TRIM71: variants seen among roughly 807,000 people sequenced by gnomAD.
TRIM71 encodes the protein tripartite motif containing 71, also known as E3 ubiquitin-protein ligase TRIM71.
Under a neutral mutation model 61.2 loss-of-function variants are expected in TRIM71, and 9 were observed. That is an observed-to-expected ratio of 0.15 (90% CI 0.09 to 0.26). TRIM71 has a LOEUF of 0.26. TRIM71 is among the 10% of genes least tolerant of loss of function. The pLI, the probability that TRIM71 is intolerant of heterozygous loss-of-function variation, is 1.00. For missense variants in TRIM71, 998 were observed against 1,238.7 expected (o/e 0.81, Z 2.92); for synonymous variants, 645 against 553.2 (o/e 1.17, Z -2.33).
intron 3 of TRIM71, among the ~76,000 whole-genome samples, chr3:32,886,560 A>G (rs974554607): frequency 3.3e-5 from 5 of 152,186 alleles, no homozygotes; most frequent in Admixed American, 6.5e-5. Context: ...ATCAGCTAGA[A>G]AGACTACTTG....
chr3:32,831,891 CATGAA>C (rs1696276075), intron 1 of TRIM71, among the ~76,000 whole-genome samples: 1 of 152,118 alleles, frequency 6.6e-6, no homozygotes, highest in Admixed American at 6.5e-5. Context: ...TATTTGATGC[CATGAA>C]ATAACTTGGG....
chr3:32,837,014 C>T (rs1196084554), intron 1 of TRIM71, among the ~76,000 whole-genome samples: 1 of 152,112 alleles, frequency 6.6e-6, no homozygotes, highest in African/African-American at 2.4e-5. Context: ...CTTTTCCCCC[C>T]AATTTTTATC....
chr3:32,827,983 C>A (rs556799589), intron 1 of TRIM71, among the ~76,000 whole-genome samples: 1 of 152,004 alleles, frequency 6.6e-6, no homozygotes, highest in Non-Finnish European at 1.5e-5. Context: ...TATTAAAATG[C>A]TGTTGTATAA....
chr3:32,887,480 ACT>A (rs1491387902), intron 3 of TRIM71, among the ~76,000 whole-genome samples: 1 of 95,858 alleles, frequency 1.0e-5, no homozygotes, highest in Non-Finnish European at 1.9e-5. Context: ...CTAATTACTG[ACT>A]TTTTTTTTTT....
intron 1 of TRIM71, among the ~76,000 whole-genome samples, chr3:32,867,427 T>TTG (rs922431271): frequency 1.3e-5 from 2 of 151,820 alleles, no homozygotes; most frequent in South Asian, 2.1e-4. Flanking sequence ...TGACAAAAAT[T>TTG]TGTGTGTGTG....
At chr3:32,887,195 T>G (rs1255773099) in intron 3 of TRIM71, among the ~76,000 whole-genome samples, 4 of 152,138 alleles carry the variant, frequency 2.6e-5, no homozygotes, top group South Asian at 2.1e-4. Flanking sequence ...CCTTTGTGTG[T>G]GGGGGTTTCT....
Position 32,891,899 on chromosome 3 carries a change from T to A in TRIM71, c.*88T>A. The A allele has an allele frequency of 6.6e-7, 1 of 1,507,082 alleles. No individual in the cohort carries two copies. 93.4% of individuals were successfully genotyped at this position (1,507,082 alleles called of 1,614,324 possible). On this transcript the variant is annotated 3_prime_UTR_variant, in exon 4 of 4. Transcript: ENST00000383763. This position sits in a 1 kb window ranked among gnomAD's most constrained non-coding sequence, Gnocchi z 8.2. ...TTCTCTTTCTCTCTCTTTTTGAATT[T>A]CAAAGAAGAAACAGTCTCAGGGAAA...
chr3:32,891,074 G>A lies in TRIM71; in HGVS notation c.1870G>A (p.Asp624Asn), dbSNP rs1697019403. ...CAAGGAGGGCTACATCATTGTCGCC[G>A]ACCGCAGCAACAACCGCATCCAGGT... ...VDKEGYIIVA[D>N]RSNNRIQVFK... The change falls in exon 4 of 4, where the codon GAC becomes AAC. Residue 624 changes from aspartate (D) to asparagine (N), a missense_variant. Coordinates refer to ENST00000383763, the MANE Select transcript of TRIM71 (RefSeq NM_001039111.3). The surrounding 1 kb of genome is among the most constrained non-coding windows in gnomAD (Gnocchi z 8.2). 1 of 1,611,796 alleles carries A rather than the reference G, an allele frequency of 6.2e-7. No individual in the cohort carries two copies. Among genetic ancestry groups the A allele is most frequent in the Non-Finnish European group, 8.5e-7 (1 of 1,179,860 alleles).
intron 1 of TRIM71, among the ~76,000 whole-genome samples, chr3:32,866,270 A>T (rs1447942382): frequency 1.3e-5 from 2 of 151,206 alleles, no homozygotes; most frequent in African/African-American, 4.9e-5. Flanking sequence ...CTGTTTTGAG[A>T]TGGAGTCTTG....
chr3:32,830,330 C>G (rs1156599494), intron 1 of TRIM71, among the ~76,000 whole-genome samples: 1 of 152,138 alleles, frequency 6.6e-6, no homozygotes, highest in African/African-American at 2.4e-5. Flanking sequence ...TAGCCAAAAA[C>G]TGAGTATAAC....
intron 1 of TRIM71, among the ~76,000 whole-genome samples, chr3:32,859,649 C>T (rs1039075300): frequency 1.3e-5 from 2 of 152,098 alleles, no homozygotes; most frequent in East Asian, 1.9e-4. Flanking sequence ...ATCTTATTAC[C>T]ATTTAGTTGA....
chr3:32,867,572 C>A lies in TRIM71; in HGVS notation c.853-6246C>A, dbSNP rs78942783. ...TGCTCAAGTGATCCTTTTGTCTTGG[C>A]CTCCCAAAGTGCTGGTATTGTAGAC... is the stretch of plus-strand genomic sequence containing the variant. On this transcript the variant is annotated intron_variant, in intron 1 of 3. Transcript: ENST00000383763. 0.014 allele frequency among the ~76,000 whole-genome samples: 2,160 copies of A among 152,156 alleles called. 114 individuals are homozygous for A. The East Asian group carries it at 0.19, about 13-fold the overall frequency.
At position 32,893,560 on chromosome 3, in the gene TRIM71, G is replaced by T. The variant is rs1461791778; in HGVS notation, c.*1749G>T. 1.3e-5 allele frequency: 2 copies of T among 152,228 alleles called. No individual in the cohort carries two copies. Among genetic ancestry groups the T allele is most frequent in the African/African-American group, 4.8e-5 (2 of 41,456 alleles). The allele number at this position is 152,228 out of a possible 1,614,324, so 9.4% of individuals were successfully genotyped here. ...AAGAGGGACTCTCAAACAAACGTCA[G>T]TGACTTACAAGGGAGACCTCTTGTT... On this transcript the variant is annotated 3_prime_UTR_variant, in exon 4 of 4. Transcript: ENST00000383763.
At chr3:32,888,434 CAAAAAAAAAAAAAAAAAAAAAAAAAAAA>C (rs56834147) in intron 3 of TRIM71, among the ~76,000 whole-genome samples, 9 of 95,840 alleles carry the variant, frequency 9.4e-5, no homozygotes, top group African/African-American at 3.1e-4. Context: ...CCATCTCTAC[CAAAAAAAAAAAAAAAAAAAAAAAAAAAA>C]AAAAAAAAAA....
At position 32,857,224 on chromosome 3, in the gene TRIM71, T is replaced by G. The variant is rs576419117; in HGVS notation, c.853-16594T>G. Reference sequence around the variant, plus strand: ...GCACTTTGGTCAGGAATAGCATGCTTCTTTGCTCAAGCTGTTCCTTTTAAC... The same window carrying G: ...GCACTTTGGTCAGGAATAGCATGCTGCTTTGCTCAAGCTGTTCCTTTTAAC... On this transcript the variant is annotated intron_variant, in intron 1 of 3. Transcript: ENST00000383763. Among the ~76,000 whole-genome samples the G allele has an allele frequency of 3.9e-5, 6 of 152,340 alleles. No individual in the cohort carries two copies. In the South Asian group the frequency reaches 8.3e-4, roughly 21 times the overall value.
intron 1 of TRIM71, among the ~76,000 whole-genome samples, chr3:32,864,856 GTGTGTGTGTGTGT>G (rs1696714319): frequency 1.9e-4 from 2 of 10,258 alleles, no homozygotes; most frequent in Non-Finnish European, 1.2e-3. Flanking sequence ...GTGTGTGTGT[GTGTGTGTGTGTGT>G]GTGTGTGTGT....
intron 1 of TRIM71, among the ~76,000 whole-genome samples, chr3:32,847,718 G>A (rs1215322561): frequency 6.6e-6 from 1 of 152,174 alleles, no homozygotes; most frequent in East Asian, 1.9e-4. Flanking sequence ...TGTGACAAAT[G>A]AATGTGCTGA....
chr3:32,848,598 G>A lies in TRIM71; in HGVS notation c.853-25220G>A, dbSNP rs141150007. Reference sequence around the variant, plus strand: ...CTTTTTATGGTTCTTTTTGGGAAACGAGGCTCAAAAATACCCCTAGTTTTG... The same window carrying A: ...CTTTTTATGGTTCTTTTTGGGAAACAAGGCTCAAAAATACCCCTAGTTTTG... On this transcript the variant is annotated intron_variant, in intron 1 of 3. Coordinates refer to ENST00000383763, the MANE Select transcript of TRIM71 (RefSeq NM_001039111.3). Among the ~76,000 whole-genome samples, 712 of 152,172 alleles carry A rather than the reference G, an allele frequency of 4.7e-3. 4 individuals carry two copies. Among genetic ancestry groups the A allele is most frequent in the Non-Finnish European group, 8.5e-3 (577 of 68,010 alleles).
chr3:32,833,092 T>G lies in TRIM71; in HGVS notation c.852+14160T>G, dbSNP rs560011275. On this transcript the variant is annotated intron_variant, in intron 1 of 3. Coordinates refer to ENST00000383763, the MANE Select transcript of TRIM71 (RefSeq NM_001039111.3). ...CGGGAGGCTGAGGCAGGAGAATCAC[T>G]GGAACCCGGGAGGTGGAGGTTGCAG... Among the ~76,000 whole-genome samples, 267 of 145,258 alleles carry G rather than the reference T, an allele frequency of 1.8e-3. 1 individual carries two copies. Among genetic ancestry groups the G allele is most frequent in the Non-Finnish European group, 5.2e-4 (35 of 67,184 alleles).
Sources: gnomAD v4.1 joint callset for allele counts (sites outside exome capture counted in the v4.1 genomes callset) on GRCh38, gnomAD v4.1.1 for gene constraint, Gnocchi (gnomAD v3.1) non-coding constraint, MANE v1.5 for transcripts, NCBI Gene and HGNC (gene_info 2026-07-23, HGNC 2026-07-21) for gene names.